The following PTPRT variants were observed in gnomAD, a reference collection of about 807,000 sequenced individuals.
PTPRT encodes the protein receptor-type tyrosine-protein phosphatase T.
PTPRT carries 56 observed loss-of-function variants against 176.8 expected under a neutral mutation model. The ratio of observed to expected loss-of-function variants is 0.32; its 90% CI spans 0.26 to 0.40. PTPRT has a LOEUF of 0.40. Among genes scored for constraint, PTPRT ranks in the 10% least tolerant of loss-of-function variants. The probability of loss-of-function intolerance (pLI) is 1.00; values close to 1 mark genes in which losing one functional copy is unlikely to be tolerated. For synonymous variants in PTPRT, 783 were observed against 739.0 expected, an observed-to-expected ratio of 1.06 and a Z score of -0.96; for missense variants, 1,540 against 1,908.2, an observed-to-expected ratio of 0.81 and a Z score of 3.60.
chr20:42,219,232 G>T (rs754283847), intron 15 of PTPRT, among the ~76,000 whole-genome samples: 1 of 152,118 alleles, frequency 6.6e-6, no homozygotes, highest in Non-Finnish European at 1.5e-5. Context: ...TGCCGCTGAT[G>T]GAAAGATAAG....
rs62203551 is a variant in PTPRT at position 42,462,625 on chromosome 20, A to T, written c.1450+9641T>A. ...AATTGAAAAGAGAAGAGATGTGGTC[A>T]GAGTGAAATGTTTAAAATGAGATTA... is the stretch of plus-strand genomic sequence containing the variant. On this transcript the variant is annotated intron_variant, in intron 8 of 30. Coordinates refer to ENST00000373187, the MANE Select transcript of PTPRT (RefSeq NM_007050.6). Among the ~76,000 whole-genome samples, 1,326 of 152,340 alleles carry T rather than the reference A, an allele frequency of 8.7e-3. 11 individuals are homozygous for T. Among genetic ancestry groups the T allele is most frequent in the Middle Eastern group, 0.014 (4 of 292 alleles).
At chr20:42,976,256 A>T (rs958655528) in intron 1 of PTPRT, among the ~76,000 whole-genome samples, 2 of 152,180 alleles carry the variant, frequency 1.3e-5, no homozygotes, top group African/African-American at 4.8e-5. Context: ...TCATCAGGAA[A>T]GACCTGCACT....
At chr20:42,577,001 G>T (rs866288971) in intron 7 of PTPRT, among the ~76,000 whole-genome samples, 2 of 152,118 alleles carry the variant, frequency 1.3e-5, no homozygotes, top group African/African-American at 4.8e-5. Flanking sequence ...CAATGTCAGG[G>T]AGTAAAATGA....
intron 9 of PTPRT, among the ~76,000 whole-genome samples, chr20:42,354,825 A>G (rs1490863423): frequency 6.6e-6 from 1 of 152,218 alleles, no homozygotes; most frequent in African/African-American, 2.4e-5. Context: ...TCTCTGTCCT[A>G]TATTAAACAG....
intron 11 of PTPRT, among the ~76,000 whole-genome samples, chr20:42,328,362 C>T (rs987173093): frequency 5.9e-5 from 9 of 152,066 alleles, no homozygotes; most frequent in Non-Finnish European, 8.8e-5. Context: ...TGGATAATTC[C>T]CATGTCATAG....
chr20:42,534,460 C>T (rs1028511958), intron 7 of PTPRT, among the ~76,000 whole-genome samples: 4 of 151,960 alleles, frequency 2.6e-5, no homozygotes, highest in African/African-American at 4.8e-5. Flanking sequence ...GGTGAAACCC[C>T]GTCTCTACTA....
Position 42,366,242 on chromosome 20 carries a change from T to G in PTPRT, c.1561-13957A>C, listed in dbSNP as rs530394846. 1.8e-4 allele frequency among the ~76,000 whole-genome samples: 27 copies of G among 152,234 alleles called. No homozygotes were observed. In the East Asian group the frequency reaches 5.0e-3, roughly 28 times the overall value. ...GGTCCCCTGACACCCAAACCAAGCCTCTCTTCCCTCCCCTGAGTGCCCATT... is the reference window on the plus strand; with the variant it reads ...GGTCCCCTGACACCCAAACCAAGCCGCTCTTCCCTCCCCTGAGTGCCCATT... On this transcript the variant is annotated intron_variant, in intron 9 of 30. Coordinates refer to ENST00000373187, the MANE Select transcript of PTPRT (RefSeq NM_007050.6).
intron 9 of PTPRT, among the ~76,000 whole-genome samples, chr20:42,429,889 G>T (rs2059200456): frequency 6.6e-6 from 1 of 152,170 alleles, no homozygotes; most frequent in African/African-American, 2.4e-5. Context: ...GTGTAGTGTG[G>T]CTGTAATGTA....
chr20:42,718,756 A>G (rs2076263669), intron 6 of PTPRT, among the ~76,000 whole-genome samples: 1 of 152,192 alleles, frequency 6.6e-6, no homozygotes, highest in South Asian at 2.1e-4. Context: ...GGTGCTGGTT[A>G]TATTCTGTAT....
intron 29 of PTPRT, 139 bp downstream of exon 29, chr20:42,084,543 C>T (rs534074104): frequency 3.0e-6 from 2 of 677,004 alleles, no homozygotes; most frequent in Non-Finnish European, 4.2e-6. Context: ...TTTGAATGTA[C>T]TGCCACTAGC....
At chr20:42,418,714 G>A (rs1174657323) in intron 9 of PTPRT, among the ~76,000 whole-genome samples, 1 of 152,134 alleles carries the variant, frequency 6.6e-6, no homozygotes, top group Non-Finnish European at 1.5e-5. Flanking sequence ...CAGATCTGGA[G>A]AGGGGTAGGG....
rs117428605 is a variant in PTPRT at position 43,047,130 on chromosome 20, G to A, written c.88+142516C>T. On this transcript the variant is annotated intron_variant, in intron 1 of 30. Transcript: ENST00000373187. Reference sequence around the variant, plus strand: ...CCTCATAATCTGTTTTCCCCGATTCGCCCTCTGCCTTTCTCCCCCATCCTC... The same window carrying A: ...CCTCATAATCTGTTTTCCCCGATTCACCCTCTGCCTTTCTCCCCCATCCTC... Among the ~76,000 whole-genome samples, 204 of 146,252 alleles carry A rather than the reference G, an allele frequency of 1.4e-3. 1 individual carries two copies. In the East Asian group the frequency reaches 0.02, roughly 14 times the overall value.
intron 1 of PTPRT, among the ~76,000 whole-genome samples, chr20:43,150,422 A>C (rs1182655113): frequency 1.3e-5 from 2 of 152,152 alleles, no homozygotes; most frequent in Non-Finnish European, 2.9e-5. Flanking sequence ...CAGCAGCTAT[A>C]ATCACAACGG....
chr20:43,088,559 A>G (rs1228394859), intron 1 of PTPRT, among the ~76,000 whole-genome samples: 1 of 152,136 alleles, frequency 6.6e-6, no homozygotes, highest in Non-Finnish European at 1.5e-5. Flanking sequence ...CTGGGTTGAG[A>G]TGGTTCTGAA....
chr20:42,119,271 C>A (rs578227171), intron 20 of PTPRT, among the ~76,000 whole-genome samples: 4 of 152,080 alleles, frequency 2.6e-5, no homozygotes, highest in Non-Finnish European at 5.9e-5. Flanking sequence ...TCTTACCAAG[C>A]GTAACAGTTT....
chr20:42,074,526 C>T lies in PTPRT; in HGVS notation c.*6353G>A. 2.7e-6 allele frequency: 1 copy of T among 364,504 alleles called. No individual in the cohort carries two copies. Among genetic ancestry groups the T allele is most frequent in the Non-Finnish European group, 4.9e-6 (1 of 204,754 alleles). 22.6% of individuals were successfully genotyped at this position (364,504 alleles called of 1,614,324 possible). On this transcript the variant is annotated 3_prime_UTR_variant, in exon 31 of 31. Transcript: ENST00000373187. ...AAGGATCAGAGTCCACATCTCACCA[C>T]CCAGAGCAGTTCTCAGATATAGAAG...
chr20:42,242,795 T>G (rs983735968), intron 14 of PTPRT, among the ~76,000 whole-genome samples: 2 of 152,208 alleles, frequency 1.3e-5, no homozygotes, highest in African/African-American at 4.8e-5. Context: ...GACTTAGACA[T>G]GTACTTCTTC....
At position 42,543,249 on chromosome 20, in the gene PTPRT, T is replaced by C. The variant is rs542797786; in HGVS notation, c.1154-70687A>G. ...GAACTTCTTTCAAAATTAGAATCAA[T>C]CCTCTTAAACCATGCCACTACTTTA... is the stretch of plus-strand genomic sequence containing the variant. On this transcript the variant is annotated intron_variant, in intron 7 of 30. Transcript: ENST00000373187. Among the ~76,000 whole-genome samples, 12 of 152,326 alleles carry C rather than the reference T, an allele frequency of 7.9e-5. No homozygotes were observed. In the South Asian group the frequency reaches 2.5e-3, roughly 32 times the overall value.
At chr20:42,168,625 T>G (rs1431207825) in intron 16 of PTPRT, among the ~76,000 whole-genome samples, 2 of 152,194 alleles carry the variant, frequency 1.3e-5, no homozygotes, top group African/African-American at 4.8e-5. Flanking sequence ...TGCTAAAAAT[T>G]TCTCGAAAAT....
Sources: gnomAD v4.1 joint callset for allele counts (sites outside exome capture counted in the v4.1 genomes callset) on GRCh38, gnomAD v4.1.1 for gene constraint, MANE v1.5 for transcripts, NCBI Gene and HGNC (gene_info 2026-07-23, HGNC 2026-07-21) for gene names.